Variants in SYT1 observed in about 807,000 individuals in gnomAD.
SYT1 encodes the protein synaptotagmin 1.
A neutral mutation model predicts 44.8 loss-of-function variants in SYT1; 8 were observed. The observed-to-expected ratio is 0.18, with a 90% CI of 0.10 to 0.32. The LOEUF (loss-of-function observed/expected upper bound fraction) is 0.32. SYT1 is among the 10% of genes least tolerant of loss of function. The probability of loss-of-function intolerance (pLI) is 1.00; values close to 1 mark genes in which losing one functional copy is unlikely to be tolerated. For synonymous variants in SYT1, 154 were observed against 188.8 expected (o/e 0.82, Z 1.51); for missense variants, 286 against 509.3 (o/e 0.56, Z 4.22).
At chr12:79,357,096 T>C (rs1248435173) in intron 9 of SYT1, among the ~76,000 whole-genome samples, 1 of 152,208 alleles carries the variant, frequency 6.6e-6, no homozygotes, top group African/African-American at 2.4e-5. Flanking sequence ...TGAAAACATA[T>C]GTAAAATAAT....
At chr12:79,178,958 A>C (rs1312346812) in intron 3 of SYT1, among the ~76,000 whole-genome samples, 57 of 83,582 alleles carry the variant, frequency 6.8e-4, no homozygotes, top group African/African-American at 2.8e-3. Flanking sequence ...AGATATAGAT[A>C]TAGATATAGA....
chr12:79,366,627 G>A (rs1469473454), intron 9 of SYT1, among the ~76,000 whole-genome samples: 2 of 152,350 alleles, frequency 1.3e-5, no homozygotes, highest in East Asian at 3.9e-4. Flanking sequence ...CAGAAAGGGA[G>A]CAGCAACTGG....
chr12:79,321,837 T>C (rs147142346), intron 8 of SYT1, among the ~76,000 whole-genome samples: 2 of 152,328 alleles, frequency 1.3e-5, no homozygotes, highest in East Asian at 3.9e-4. Context: ...TTTAAGTAAC[T>C]GGGAACAGAA....
At chr12:79,363,130 GA>G (rs1245281342) in intron 9 of SYT1, among the ~76,000 whole-genome samples, 4 of 150,110 alleles carry the variant, frequency 2.7e-5, no homozygotes, top group Non-Finnish European at 5.9e-5. Flanking sequence ...TCAGTATACA[GA>G]AAAAAAAATA....
intron 4 of SYT1, among the ~76,000 whole-genome samples, chr12:79,284,749 G>A (rs1025782547): frequency 6.6e-6 from 1 of 151,222 alleles, no homozygotes; most frequent in Non-Finnish European, 1.5e-5. Flanking sequence ...TGAGGCAGGG[G>A]AATTGCTTGA....
At chr12:79,308,125 C>T (rs1230989544) in intron 8 of SYT1, among the ~76,000 whole-genome samples, 1 of 152,228 alleles carries the variant, frequency 6.6e-6, no homozygotes, top group African/African-American at 2.4e-5. Flanking sequence ...GAGGCAAGAA[C>T]TCGAAGACCA....
At chr12:79,227,230 AT>A (rs1255883563) in intron 4 of SYT1, among the ~76,000 whole-genome samples, 1 of 151,940 alleles carries the variant, frequency 6.6e-6, no homozygotes, top group South Asian at 2.1e-4. Context: ...TAAGGCTTAA[AT>A]TTTTTTTAAA....
At chr12:79,058,563 A>C (rs1875136275) in intron 3 of SYT1, among the ~76,000 whole-genome samples, 1 of 152,096 alleles carries the variant, frequency 6.6e-6, no homozygotes, top group African/African-American at 2.4e-5. Context: ...ATGACTCAGT[A>C]CAGCTGGTAT....
At chr12:78,909,747 C>T (rs529230818) in intron 1 of SYT1, among the ~76,000 whole-genome samples, 2 of 152,002 alleles carry the variant, frequency 1.3e-5, no homozygotes, top group Non-Finnish European at 2.9e-5. Context: ...CAAACTAGTA[C>T]TTTAATAACT....
rs563738404 is a variant in SYT1 at position 78,934,196 on chromosome 12, C to T, written c.-216-43603C>T. On this transcript the variant is annotated intron_variant, in intron 1 of 10. Coordinates refer to ENST00000261205, the MANE Select transcript of SYT1 (RefSeq NM_005639.3). ...CATACACACACACACACACACCATA[C>T]CTGTTGATATGGTCTGGCTGTGTCC... Among the ~76,000 whole-genome samples the T allele has an allele frequency of 4.0e-5, 6 of 151,208 alleles. No homozygotes were observed. The South Asian group carries it at 1.3e-3, about 32-fold the overall frequency.
rs539542932 is a variant in SYT1, at chr12:78,965,231, TA to T, written c.-216-12565del. ...GATATATTTCTTAAATAATACGAATTAAATATTGTGAGATGTTTTAGGCCTT... is the reference window on the plus strand; with the variant it reads ...GATATATTTCTTAAATAATACGAATTAATATTGTGAGATGTTTTAGGCCTT... On this transcript the variant is annotated intron_variant, in intron 1 of 10. Coordinates refer to ENST00000261205, the MANE Select transcript of SYT1 (RefSeq NM_005639.3). Among the ~76,000 whole-genome samples, 257 of 152,318 alleles carry T rather than the reference TA, an allele frequency of 1.7e-3. 1 individual carries two copies. The highest frequency in any genetic ancestry group is 5.9e-3 in the African/African-American group (247 of 41,576).
At chr12:78,931,315 GGGAGGGAGGGAGGGAGGGAGGGAAGGAA>G (rs1877700555) in intron 1 of SYT1, among the ~76,000 whole-genome samples, 1 of 19,620 alleles carries the variant, frequency 5.1e-5, no homozygotes, top group African/African-American at 4.0e-4. Context: ...AGGAGAGGGA[GGGAGGGAGGGAGGGAGGGAGGGAAGGAA>G]GGAAGGAAGG....
intron 1 of SYT1, among the ~76,000 whole-genome samples, chr12:78,896,336 A>C (rs1486995671): frequency 6.6e-6 from 1 of 151,838 alleles, no homozygotes; most frequent in African/African-American, 2.4e-5. Flanking sequence ...GAAAGAATAT[A>C]TGGAAATATA....
chr12:78,876,532 T>C (rs1874085220), intron 1 of SYT1, among the ~76,000 whole-genome samples: 1 of 142,190 alleles, frequency 7.0e-6, no homozygotes, highest in South Asian at 2.2e-4. Context: ...AAATATTTTA[T>C]GTTATACTAT....
chr12:79,336,066 G>A (rs1376435738), intron 8 of SYT1, among the ~76,000 whole-genome samples: 1 of 152,152 alleles, frequency 6.6e-6, no homozygotes, highest in African/African-American at 2.4e-5. Flanking sequence ...AACTTGCTTG[G>A]GGAAATCACC....
chr12:79,279,377 G>A (rs1878919804), intron 4 of SYT1, among the ~76,000 whole-genome samples: 1 of 151,902 alleles, frequency 6.6e-6, no homozygotes, highest in Admixed American at 6.6e-5. Context: ...CACCACATAA[G>A]CAGAATTAAA....
chr12:79,234,903 G>T (rs1184897473), intron 4 of SYT1, among the ~76,000 whole-genome samples: 2 of 151,890 alleles, frequency 1.3e-5, no homozygotes, highest in South Asian at 4.2e-4. Flanking sequence ...TAGAGATGGG[G>T]TTTCACCATG....
chr12:79,182,950 C>G (rs1188392629), intron 3 of SYT1, among the ~76,000 whole-genome samples: 1 of 152,050 alleles, frequency 6.6e-6, no homozygotes, highest in Non-Finnish European at 1.5e-5. Flanking sequence ...TGATGTAGGT[C>G]AAATTCTGAT....
rs932742438 is a variant in SYT1 at position 79,043,878 on chromosome 12, G to A, written c.-83-3419G>A. On this transcript the variant is annotated intron_variant, in intron 2 of 10. Coordinates refer to ENST00000261205, the MANE Select transcript of SYT1 (RefSeq NM_005639.3). The stretch of plus-strand genomic sequence containing the variant: ...CTGTAAAGTATTTTATTTCTCCTTC[G>A]CTTATGAAGTTTAGTTTGGCTGGAT... Among the ~76,000 whole-genome samples, 22 of 152,150 alleles carry A rather than the reference G, an allele frequency of 1.4e-4. 1 individual carries two copies. Among genetic ancestry groups the A allele is most frequent in the East Asian group, 1.2e-3 (6 of 5,166 alleles).
Sources: gnomAD v4.1 joint callset for allele counts (sites outside exome capture counted in the v4.1 genomes callset) on GRCh38, gnomAD v4.1.1 for gene constraint, MANE v1.5 for transcripts, NCBI Gene and HGNC (gene_info 2026-07-23, HGNC 2026-07-21) for gene names.